JPH2: variants seen among roughly 807,000 people sequenced by gnomAD.
The protein encoded by JPH2 is junctophilin 2, also known as junctophilin-2.
JPH2 carries 38 observed loss-of-function variants against 55.9 expected under a neutral mutation model. That is an observed-to-expected ratio of 0.68 (90% CI 0.52 to 0.89). The LOEUF is 0.89. JPH2 is among the 40% of genes least tolerant of loss of function. The probability of loss-of-function intolerance (pLI) is 0.00; values close to 1 mark genes in which losing one functional copy is unlikely to be tolerated. For synonymous variants in JPH2, 480 were observed against 472.4 expected, an observed-to-expected ratio of 1.02 and a Z score of -0.21; for missense variants, 964 against 1,037.6, an observed-to-expected ratio of 0.93 and a Z score of 0.97.
intron 1 of JPH2, among the ~76,000 whole-genome samples, chr20:44,178,581 G>A (rs547307296): frequency 6.9e-6 from 1 of 145,206 alleles, no homozygotes; most frequent in Non-Finnish European, 1.5e-5. Context: ...GAAATCAAGA[G>A]GCTGGTTTTC....
chr20:44,115,600 C>A, intron 4 of JPH2, 65 bp downstream of exon 4: 1 of 1,605,576 alleles, frequency 6.2e-7, no homozygotes. Flanking sequence ...GCCCCTGAAT[C>A]CTCCCTCAAG....
Position 44,160,510 on chromosome 20 carries a change from A to T in JPH2, c.380-103T>A. 1 of 1,245,360 alleles carries T rather than the reference A, an allele frequency of 8.0e-7. No individual in the cohort carries two copies. Among genetic ancestry groups the T allele is most frequent in the South Asian group, 1.3e-5 (1 of 78,598 alleles). 77.1% of individuals were successfully genotyped at this position (1,245,360 alleles called of 1,614,324 possible). On this transcript the variant is annotated intron_variant, in intron 1 of 5. Coordinates refer to ENST00000372980, the MANE Select transcript of JPH2 (RefSeq NM_020433.5). This position sits in a 1 kb window ranked among gnomAD's most constrained non-coding sequence, Gnocchi z 4.9. Reference sequence around the variant, plus strand: ...GCGGGAGTGGGCAAGGCGGGGTGGGACCGAGAGGCGCAAGGCCGTCTGAGG... The same window carrying T: ...GCGGGAGTGGGCAAGGCGGGGTGGGTCCGAGAGGCGCAAGGCCGTCTGAGG...
At chr20:44,148,645 G>A (rs1020687207) in intron 2 of JPH2, among the ~76,000 whole-genome samples, 1 of 152,168 alleles carries the variant, frequency 6.6e-6, no homozygotes, top group African/African-American at 2.4e-5. Context: ...TCTGTGTGTG[G>A]GTTCTGGGTA....
rs1017359711 is a variant in JPH2, at chr20:44,186,440, C to T, written c.266G>A (p.Gly89Asp). The change falls in exon 1 of 6, where the codon GGC (glycine) becomes GAC (aspartate). Residue 89 changes from glycine to aspartate, a missense_variant. Gly to Asp is a moderately conservative substitution (Grantham distance 94). Coordinates refer to ENST00000372980, the MANE Select transcript of JPH2 (RefSeq NM_020433.5). ...CCGGATTCCGTAGCGTCCCTTGAAGCCATGTGTCCACTCGCCCTTGTAGAG... is the reference window on the plus strand; with the variant it reads ...CCGGATTCCGTAGCGTCCCTTGAAGTCATGTGTCCACTCGCCCTTGTAGAG... The part of the protein sequence containing the change: ...RWLYKGEWTH[G>D]FKGRYGIRQS... 9.3e-6 allele frequency: 15 copies of T among 1,613,936 alleles called. No individual in the cohort carries two copies. Among genetic ancestry groups the T allele is most frequent in the Non-Finnish European group, 1.2e-5 (14 of 1,179,966 alleles).
intron 2 of JPH2, among the ~76,000 whole-genome samples, chr20:44,144,593 C>T (rs919875516): frequency 5.3e-5 from 8 of 152,280 alleles, no homozygotes; most frequent in African/African-American, 1.9e-4. Context: ...AAAGCATGGC[C>T]AGGCACCGAG....
rs747893109 is a variant in JPH2 at position 44,186,429 on chromosome 20, G to T, written c.277C>A (p.Arg93Ser). Residue 93 changes from arginine (R) to serine (S), a missense_variant, in exon 1 of 6, where the codon CGC (arginine) becomes AGC (serine). Transcript: ENST00000372980. ...KGEWTHGFKG[R>S]YGIRQSSSSG... ...CTTGAGCTCTGCCGGATTCCGTAGC[G>T]TCCCTTGAAGCCATGTGTCCACTCG... 2 of 1,613,794 alleles carry T rather than the reference G, an allele frequency of 1.2e-6. No homozygotes were observed. The highest frequency in any genetic ancestry group is 1.7e-6 in the Non-Finnish European group (2 of 1,179,952).
chr20:44,163,237 A>G (rs1461029966), intron 1 of JPH2, among the ~76,000 whole-genome samples: 2 of 152,124 alleles, frequency 1.3e-5, no homozygotes, highest in Non-Finnish European at 2.9e-5. Context: ...TGGCTGACTG[A>G]CTAAACCTGT....
At chr20:44,170,112 G>A (rs1439147401) in intron 1 of JPH2, among the ~76,000 whole-genome samples, 2 of 152,340 alleles carry the variant, frequency 1.3e-5, no homozygotes, top group East Asian at 1.9e-4. Flanking sequence ...GAAGGAACGA[G>A]GACTAGCTCC....
chr20:44,176,524 G>A (rs1028583442), intron 1 of JPH2, among the ~76,000 whole-genome samples: 4 of 151,944 alleles, frequency 2.6e-5, no homozygotes, highest in Admixed American at 1.3e-4. Flanking sequence ...GCCATAGGCC[G>A]GGCACAGTGA....
At position 44,115,715 on chromosome 20, in the gene JPH2, C is replaced by T; in HGVS notation, c.1960G>A (p.Ala654Thr). The change falls in exon 4 of 6, where the codon GCG becomes ACG. Residue 654 changes from alanine (A) to threonine (T), a missense_variant. Coordinates refer to ENST00000372980, the MANE Select transcript of JPH2 (RefSeq NM_020433.5). ...GLTKAGAKKK[A>T]RKEAALAAEA... ...GCCGCCAGTGCGGCCTCCTTCCGCGCCTTCTTCTTGGCCCCCGCCTTGGTC... is the reference window on the plus strand; with the variant it reads ...GCCGCCAGTGCGGCCTCCTTCCGCGTCTTCTTCTTGGCCCCCGCCTTGGTC... The T allele has an allele frequency of 6.2e-7, 1 of 1,613,596 alleles. No individual in the cohort carries two copies. Among genetic ancestry groups the T allele is most frequent in the Non-Finnish European group, 8.5e-7 (1 of 1,180,002 alleles).
rs988506640 is a variant in JPH2, at chr20:44,111,274, A to C, written c.*2244T>G. On this transcript the variant is annotated 3_prime_UTR_variant, in exon 6 of 6. Transcript: ENST00000372980. ...CTAACAGCACCATAGCGTGATAACA[A>C]CACTCGTCTCCATTTCTCCACTGCT... Among the ~76,000 whole-genome samples, 2 of 152,174 alleles carry C rather than the reference A, an allele frequency of 1.3e-5. No homozygotes were observed. The highest frequency in any genetic ancestry group is 2.9e-5 in the Non-Finnish European group (2 of 68,030).
intron 2 of JPH2, among the ~76,000 whole-genome samples, chr20:44,126,516 G>T (rs1171054494): frequency 6.6e-6 from 1 of 152,036 alleles, no homozygotes; most frequent in East Asian, 1.9e-4. Context: ...AGCTCTGGCT[G>T]GTCATGACCA....
chr20:44,166,015 G>A (rs1270955978), intron 1 of JPH2, among the ~76,000 whole-genome samples: 1 of 152,136 alleles, frequency 6.6e-6, no homozygotes, highest in Admixed American at 6.5e-5. Context: ...CTCCTTAAAG[G>A]CAAGGATTCT....
In JPH2 at chr20:44,109,998, C is replaced by G. The variant is rs1483256758; in HGVS notation, c.*3520G>C. Among the ~76,000 whole-genome samples the G allele has an allele frequency of 6.6e-6, 1 of 152,140 alleles. No individual in the cohort carries two copies. Among genetic ancestry groups the G allele is most frequent in the African/African-American group, 2.4e-5 (1 of 41,412 alleles). Reference sequence around the variant, plus strand: ...CACCTTAAATGCATTCCGGGCATGGCAGGAGACCCATCAGACTTCCTAGAG... The same window carrying G: ...CACCTTAAATGCATTCCGGGCATGGGAGGAGACCCATCAGACTTCCTAGAG... On this transcript the variant is annotated 3_prime_UTR_variant, in exon 6 of 6. Transcript: ENST00000372980.
intron 1 of JPH2, among the ~76,000 whole-genome samples, chr20:44,180,862 C>A (rs74173192): frequency 0.23 from 34,849 of 151,444 alleles, 4,577 homozygotes; most frequent in Non-Finnish European, 0.3. Flanking sequence ...CCAAGAACCT[C>A]AGAAAATAAC....
chr20:44,113,212 G>A lies in JPH2; in HGVS notation c.*306C>T, dbSNP rs1285531994. 12 of 152,516 alleles carry A rather than the reference G, an allele frequency of 7.9e-5. 1 individual carries two copies. Among genetic ancestry groups the A allele is most frequent in the Admixed American group, 7.9e-4 (12 of 15,286 alleles). The allele number at this position is 152,516 out of a possible 1,614,324, so 9.4% of individuals were successfully genotyped here. On this transcript the variant is annotated 3_prime_UTR_variant, in exon 6 of 6. Transcript: ENST00000372980. ...CAACCTAGGGAAAGGCAAGGGAGTG[G>A]AGGAGAGCGGGGGACAGGAGCAGAT...
At chr20:44,148,261 G>A (rs1487443505) in intron 2 of JPH2, among the ~76,000 whole-genome samples, 2 of 152,168 alleles carry the variant, frequency 1.3e-5, no homozygotes, top group East Asian at 1.9e-4. Flanking sequence ...CTTAGTGGCC[G>A]CCACATATTA....
chr20:44,118,138 C>T (rs1002730605), intron 3 of JPH2, among the ~76,000 whole-genome samples: 1 of 152,198 alleles, frequency 6.6e-6, no homozygotes, highest in Admixed American at 6.5e-5. Flanking sequence ...GTGCCTGACA[C>T]ATGGACAGTG....
chr20:44,132,399 C>CACACACAG (rs71195518), intron 2 of JPH2, among the ~76,000 whole-genome samples: 6,493 of 130,348 alleles, frequency 0.05, 263 homozygotes, highest in African/African-American at 0.072. Context: ...CACACACACA[C>CACACACAG]ACATTTGGGC....
Sources: allele counts gnomAD v4.1 joint callset (sites outside exome capture counted in the v4.1 genomes callset), GRCh38; gene constraint gnomAD v4.1.1; non-coding constraint Gnocchi (gnomAD v3.1); transcripts MANE v1.5; gene names NCBI Gene and HGNC (gene_info 2026-07-23, HGNC 2026-07-21).